The following HIRA variants were observed in gnomAD, a reference collection of about 807,000 sequenced individuals.
HIRA encodes histone cell cycle regulator.
In HIRA, 13 loss-of-function variants were observed where a neutral mutation model predicts 126.6. That is an observed-to-expected ratio of 0.10 (90% confidence interval 0.07 to 0.16). The LOEUF (loss-of-function observed/expected upper bound fraction) is 0.16. HIRA is among the 10% of genes least tolerant of loss of function. The probability of loss-of-function intolerance (pLI) is 1.00; values close to 1 mark genes in which losing one functional copy is unlikely to be tolerated. For missense variants in HIRA, 834 were observed against 1,314.4 expected, an observed-to-expected ratio of 0.63 and a Z score of 5.65; for synonymous variants, 511 against 520.0, an observed-to-expected ratio of 0.98 and a Z score of 0.24.
chr22:19,399,031 G>T, intron 5 of HIRA: 1 of 680,044 alleles, frequency 1.5e-6, no homozygotes, highest in Non-Finnish European at 1.8e-6. Context: ...TAGGGTCACT[G>T]TAAGGATTAA....
rs553484173 is a variant in HIRA, at chr22:19,392,091, G to T, written c.936+10C>A. The stretch of plus-strand genomic sequence containing the variant: ...CGTCCTGCAACAAAAGCTCAGGATA[G>T]CAGGCTCACCCAGACAGAAAGCGAG... On this transcript the variant is annotated intron_variant, in intron 9 of 24. Coordinates refer to ENST00000263208, the MANE Select transcript of HIRA (RefSeq NM_003325.4). The T allele has an allele frequency of 2.6e-6, 4 of 1,539,066 alleles. No individual in the cohort carries two copies. The South Asian group carries it at 4.5e-5, about 17-fold the overall frequency.
Position 19,351,232 on chromosome 22 carries a change from A to G in HIRA, c.2937+126T>C. 7.1e-7 allele frequency: 1 copy of G among 1,417,434 alleles called. No individual in the cohort carries two copies. Among genetic ancestry groups the G allele is most frequent in the Non-Finnish European group, 9.2e-7 (1 of 1,087,004 alleles). The allele number at this position is 1,417,434 out of a possible 1,614,324, so 87.8% of individuals were successfully genotyped here. On this transcript the variant is annotated intron_variant, in intron 24 of 24. Coordinates refer to ENST00000263208, the MANE Select transcript of HIRA (RefSeq NM_003325.4). The surrounding 1 kb of genome is among the most constrained non-coding windows in gnomAD (Gnocchi z 4.8). The stretch of plus-strand genomic sequence containing the variant: ...ATGTCACCCTCTCACTGATGCTGGG[A>G]CCTGAGGCTGGGTGCTGGAGAAGTC...
chr22:19,413,460 C>T (rs1477238366), intron 1 of HIRA, among the ~76,000 whole-genome samples: 1 of 151,982 alleles, frequency 6.6e-6, no homozygotes. Context: ...TTTCCTAGTG[C>T]TATGCAGATT....
At position 19,387,731 on chromosome 22, in the gene HIRA, G is replaced by A. The variant is rs370558448; in HGVS notation, c.1093C>T (p.Pro365Ser). ...LDFSQDELGDPLSEEEKSRIH... is the reference protein window; with the variant it reads ...LDFSQDELGDSLSEEEKSRIH... ...CCTACCTTCTCCTCCTCGCTCAGGG[G>A]ATCGCCAAGCTCATCCTGGGAGAAG... Residue 365 changes from proline (P) to serine (S), a missense_variant, in exon 11 of 25, where the codon CCC becomes TCC. Physicochemically the swap from Pro to Ser is moderately conservative, Grantham distance 74. This residue lies in a region of HIRA where 153 missense variants were observed against 270.6 expected (regional missense o/e 0.57). Coordinates refer to ENST00000263208, the MANE Select transcript of HIRA (RefSeq NM_003325.4). 1 of 1,613,758 alleles carries A rather than the reference G, an allele frequency of 6.2e-7. No homozygotes were observed. Among genetic ancestry groups the A allele is most frequent in the Non-Finnish European group, 8.5e-7 (1 of 1,179,940 alleles).
intron 24 of HIRA, among the ~76,000 whole-genome samples, chr22:19,334,849 A>G (rs1243986380): frequency 2.0e-5 from 3 of 152,056 alleles, no homozygotes; most frequent in African/African-American, 7.2e-5. Flanking sequence ...ATGATTATTG[A>G]TATATTAGGG....
chr22:19,404,028 G>A (rs1273551558), intron 5 of HIRA, among the ~76,000 whole-genome samples: 1 of 152,044 alleles, frequency 6.6e-6, no homozygotes, highest in Non-Finnish European at 1.5e-5. Context: ...ACTGTTTGAT[G>A]ATTTTTTTCT....
intron 13 of HIRA, among the ~76,000 whole-genome samples, chr22:19,382,690 G>A (rs1033662717): frequency 2.0e-5 from 3 of 152,066 alleles, no homozygotes; most frequent in South Asian, 2.1e-4. Flanking sequence ...GCAGATAGAC[G>A]GAATGAGAAT....
Position 19,389,068 on chromosome 22 carries a change from C to A in HIRA, c.937-514G>T, listed in dbSNP as rs141562818. Among the ~76,000 whole-genome samples the A allele has an allele frequency of 3.5e-3, 531 of 152,240 alleles. 3 individuals carry two copies. Among genetic ancestry groups the A allele is most frequent in the African/African-American group, 0.012 (515 of 41,538 alleles). On this transcript the variant is annotated intron_variant, in intron 9 of 24. Transcript: ENST00000263208. ...TAGTACAGAAATACACACCTGGGCC[C>A]TTAATCTGGGCCTAGTTACCGACTA...
At chr22:19,420,337 A>T (rs2089434041) in intron 1 of HIRA, among the ~76,000 whole-genome samples, 1 of 151,762 alleles carries the variant, frequency 6.6e-6, no homozygotes, top group South Asian at 2.1e-4. Context: ...GTGGTGGTGC[A>T]AGCCTGTAGT....
chr22:19,368,213 G>T (rs1027458127), intron 15 of HIRA, among the ~76,000 whole-genome samples: 1 of 152,096 alleles, frequency 6.6e-6, no homozygotes, highest in African/African-American at 2.4e-5. Context: ...AAGAAATGTG[G>T]GCAGATACAC....
intron 18 of HIRA, among the ~76,000 whole-genome samples, chr22:19,357,701 C>T (rs1210714): frequency 0.083 from 12,661 of 152,144 alleles, 1,764 homozygotes; most frequent in African/African-American, 0.29. Flanking sequence ...GGAGCTCAGA[C>T]GCAGGCAGGG....
intron 24 of HIRA, among the ~76,000 whole-genome samples, chr22:19,348,770 C>T (rs2088719516): frequency 6.6e-6 from 1 of 151,706 alleles, no homozygotes; most frequent in African/African-American, 2.4e-5. Flanking sequence ...GCTGGAATTA[C>T]AGGAGTGAGC....
intron 1 of HIRA, among the ~76,000 whole-genome samples, chr22:19,421,672 TTG>T (rs759363968): frequency 1.3e-5 from 2 of 151,538 alleles, no homozygotes; most frequent in African/African-American, 4.8e-5. Context: ...CTTAACTCTT[TTG>T]TGTGTGTGTG....
At chr22:19,369,876 C>T (rs1601823612) in intron 15 of HIRA, among the ~76,000 whole-genome samples, 1 of 152,176 alleles carries the variant, frequency 6.6e-6, no homozygotes, top group African/African-American at 2.4e-5. Flanking sequence ...TTGCAGTAAG[C>T]CAAGACTGCG....
At chr22:19,399,483 T>A (rs375817893) in intron 5 of HIRA, among the ~76,000 whole-genome samples, 8 of 152,216 alleles carry the variant, frequency 5.3e-5, no homozygotes, top group African/African-American at 1.9e-4. Context: ...TTCACTACTA[T>A]TAATTGACCT....
At position 19,331,323 on chromosome 22, in the gene HIRA, A is replaced by G. The variant is rs542723460; in HGVS notation, c.*117T>C. 308 of 1,595,758 alleles carry G rather than the reference A, an allele frequency of 1.9e-4. 7 individuals carry two copies. In the South Asian group the frequency reaches 3.3e-3, roughly 17 times the overall value. On this transcript the variant is annotated 3_prime_UTR_variant, in exon 25 of 25. Coordinates refer to ENST00000263208, the MANE Select transcript of HIRA (RefSeq NM_003325.4). ...GGCTGGCGCTGGTGCAGGACAGCAC[A>G]TCTCCTGCCAGTGTCTCCTCCCCCT...
At position 19,355,740 on chromosome 22, in the gene HIRA, C is replaced by A. The variant is rs1556012304; in HGVS notation, c.2561+20G>T. On this transcript the variant is annotated intron_variant, in intron 21 of 24. Transcript: ENST00000263208. Reference sequence around the variant, plus strand: ...ACAGACACTCTTCCAGGGAATAGGACTGGGGGTCAGCTTGCTTACCATGTG... The same window carrying A: ...ACAGACACTCTTCCAGGGAATAGGAATGGGGGTCAGCTTGCTTACCATGTG... 1 of 1,555,882 alleles carries A rather than the reference C, an allele frequency of 6.4e-7. No homozygotes were observed. The highest frequency in any genetic ancestry group is 1.7e-5 in the Admixed American group (1 of 59,908).
In HIRA at chr22:19,353,933, C is replaced by T. The variant is rs552581123; in HGVS notation, c.2684+63G>A. 3.1e-5 allele frequency: 49 copies of T among 1,585,322 alleles called. 1 individual carries two copies. In the African/African-American group the frequency reaches 6.3e-4, roughly 20 times the overall value. On this transcript the variant is annotated intron_variant, in intron 22 of 24. Coordinates refer to ENST00000263208, the MANE Select transcript of HIRA (RefSeq NM_003325.4). ...GGCCTGGGCAGGGACTGTGCGTGCACTGACCCAGGCACTTCCCCAGGGCAG... is the reference window on the plus strand; with the variant it reads ...GGCCTGGGCAGGGACTGTGCGTGCATTGACCCAGGCACTTCCCCAGGGCAG...
intron 24 of HIRA, among the ~76,000 whole-genome samples, chr22:19,350,552 C>T (rs117920643): frequency 1.2e-3 from 181 of 152,338 alleles, no homozygotes; most frequent in Middle Eastern, 3.4e-3. Context: ...CAAAATACAT[C>T]TTGAATCTGT....
Sources: allele counts gnomAD v4.1 joint callset (sites outside exome capture counted in the v4.1 genomes callset), GRCh38; gene constraint gnomAD v4.1.1; regional missense constraint gnomAD v4.1.1; non-coding constraint Gnocchi (gnomAD v3.1); transcripts MANE v1.5; gene names NCBI Gene and HGNC (gene_info 2026-07-23, HGNC 2026-07-21).